SNX10: variants seen among roughly 807,000 people sequenced by gnomAD.
SNX10 encodes sorting nexin-10.
In SNX10, 25 loss-of-function variants were observed where a neutral mutation model predicts 28.5. The ratio of observed to expected loss-of-function variants is 0.88; its 90% CI spans 0.64 to 1.22. The LOEUF (loss-of-function observed/expected upper bound fraction) is 1.22. Among genes scored for constraint, SNX10 ranks in the 50% most tolerant of loss-of-function variants. The pLI is 0.00. For missense variants in SNX10, 223 were observed against 242.6 expected (o/e 0.92, Z 0.54); for synonymous variants, 62 against 81.4 (o/e 0.76, Z 1.28).
chr7:26,320,845 C>G (rs1787283497), intron 1 of SNX10, among the ~76,000 whole-genome samples: 3 of 152,224 alleles, frequency 2.0e-5, no homozygotes, highest in African/African-American at 7.2e-5. Context: ...ATGGACATCT[C>G]TCTATCCCAG....
chr7:26,333,704 G>A (rs1385191778), intron 1 of SNX10, among the ~76,000 whole-genome samples: 1 of 152,160 alleles, frequency 6.6e-6, no homozygotes, highest in African/African-American at 2.4e-5. Context: ...CCAGGTGAAG[G>A]GGTAGAGTGA....
At chr7:26,337,451 C>T (rs934485499) in intron 1 of SNX10, among the ~76,000 whole-genome samples, 2 of 152,168 alleles carry the variant, frequency 1.3e-5, no homozygotes, top group Non-Finnish European at 2.9e-5. Flanking sequence ...TTCCATTTCC[C>T]CCTTAAATGC....
intron 1 of SNX10, among the ~76,000 whole-genome samples, chr7:26,333,944 T>G (rs945302163): frequency 2.0e-5 from 3 of 152,204 alleles, no homozygotes; most frequent in Non-Finnish European, 4.4e-5. Flanking sequence ...TAGCTGAAGA[T>G]AGCTCCTGGT....
At chr7:26,325,914 G>T (rs1226905743) in intron 1 of SNX10, among the ~76,000 whole-genome samples, 1 of 151,900 alleles carries the variant, frequency 6.6e-6, no homozygotes, top group African/African-American at 2.4e-5. Context: ...TTTTAGTAGA[G>T]ACAGGGTTTT....
chr7:26,294,054 CA>C (rs1786022219), intron 1 of SNX10, among the ~76,000 whole-genome samples: 1 of 152,198 alleles, frequency 6.6e-6, no homozygotes, highest in Non-Finnish European at 1.5e-5. Context: ...TGTGGTTTCA[CA>C]ACCACTTGGT....
intron 1 of SNX10, among the ~76,000 whole-genome samples, chr7:26,307,029 G>T (rs569253297): frequency 1.3e-5 from 2 of 152,230 alleles, no homozygotes; most frequent in East Asian, 3.9e-4. Context: ...CTCACTTTAG[G>T]GGGGCATTCC....
In SNX10 at chr7:26,340,087, C is replaced by G. The variant is rs1485067815; in HGVS notation, c.-23-6333C>G. Among the ~76,000 whole-genome samples the G allele has an allele frequency of 2.6e-5, 4 of 152,002 alleles. 1 individual carries two copies. Among genetic ancestry groups the G allele is most frequent in the Admixed American group, 2.0e-4 (3 of 15,248 alleles). Reference sequence around the variant, plus strand: ...AAAAATATGTGATCCTTTCTCACTCCTTACATGTATAGTCCACAAACTTTT... The same window carrying G: ...AAAAATATGTGATCCTTTCTCACTCGTTACATGTATAGTCCACAAACTTTT... On this transcript the variant is annotated intron_variant, in intron 1 of 6. Coordinates refer to ENST00000338523, the MANE Select transcript of SNX10 (RefSeq NM_013322.3).
In SNX10 at chr7:26,325,329, T is replaced by TATATATATATATATATATATA. The variant is rs1345177484; in HGVS notation, c.-23-21091_-23-21090insATATATATATATATATATATA. Among the ~76,000 whole-genome samples, 2 of 14,968 alleles carry TATATATATATATATATATATA rather than the reference T, an allele frequency of 1.3e-4. 1 individual carries two copies. 9.8% of individuals were successfully genotyped at this position (14,968 alleles called of 152,430 possible). A position where few individuals can be genotyped will look rare whatever the true frequency, so the allele number is the denominator to read the frequency against. ...AAAATATATATATATATATATATAT[T>TATATATATATATATATATATA]TGAGATGGAGTCTCGCTGTGTTGCC... On this transcript the variant is annotated intron_variant, in intron 1 of 6. Transcript: ENST00000338523.
intron 1 of SNX10, among the ~76,000 whole-genome samples, chr7:26,300,357 G>T (rs554676412): frequency 2.6e-3 from 396 of 152,140 alleles, no homozygotes; most frequent in Non-Finnish European, 5.1e-3. Context: ...CTCCCAAAGG[G>T]TTTAGGATTA....
intron 1 of SNX10, among the ~76,000 whole-genome samples, chr7:26,312,837 A>AT (rs1353794702): frequency 5.3e-5 from 8 of 152,320 alleles, no homozygotes; most frequent in Non-Finnish European, 1.2e-4. Flanking sequence ...GCTCTTATGC[A>AT]TAATTGAAAA....
chr7:26,328,651 C>T (rs1333092471), intron 1 of SNX10, among the ~76,000 whole-genome samples: 3 of 152,180 alleles, frequency 2.0e-5, no homozygotes, highest in East Asian at 1.9e-4. Flanking sequence ...TGTGATGCCT[C>T]ACCACTGAAA....
At chr7:26,295,143 C>T (rs1425436877) in intron 1 of SNX10, among the ~76,000 whole-genome samples, 2 of 152,172 alleles carry the variant, frequency 1.3e-5, no homozygotes, top group Non-Finnish European at 2.9e-5. Context: ...TGCTAGGCCT[C>T]AGTGATCTTG....
chr7:26,344,065 C>A (rs866788205), intron 1 of SNX10, among the ~76,000 whole-genome samples: 1 of 152,088 alleles, frequency 6.6e-6, no homozygotes, highest in African/African-American at 2.4e-5. Context: ...TGCCGTTGAT[C>A]TCCTGAACTC....
At chr7:26,368,908 AC>A (rs1789399053) in intron 5 of SNX10, among the ~76,000 whole-genome samples, 1 of 152,216 alleles carries the variant, frequency 6.6e-6, no homozygotes, top group South Asian at 2.1e-4. Context: ...GGTTCAGCAG[AC>A]CCAGGACATC....
chr7:26,316,550 A>T (rs1033965608), intron 1 of SNX10, among the ~76,000 whole-genome samples: 2 of 152,242 alleles, frequency 1.3e-5, no homozygotes, highest in African/African-American at 4.8e-5. Flanking sequence ...AAGCCTAATA[A>T]TAATAATTAA....
chr7:26,300,877 G>T (rs1351145080), intron 1 of SNX10, among the ~76,000 whole-genome samples: 1 of 151,974 alleles, frequency 6.6e-6, no homozygotes, highest in Non-Finnish European at 1.5e-5. Flanking sequence ...AAATTAGCCA[G>T]GTGTGGTGGC....
intron 1 of SNX10, among the ~76,000 whole-genome samples, chr7:26,341,988 CTCTCTCTCTT>C: frequency 7.1e-6 from 1 of 141,610 alleles, no homozygotes; most frequent in African/African-American, 2.6e-5. Context: ...CTTTCTCTCT[CTCTCTCTCTT>C]TCTTTCTTTC....
chr7:26,330,947 C>G (rs1787726147), intron 1 of SNX10, among the ~76,000 whole-genome samples: 1 of 152,104 alleles, frequency 6.6e-6, no homozygotes, highest in African/African-American at 2.4e-5. Flanking sequence ...CCCTGGAATT[C>G]AAGACCAGCC....
rs36063190 is a variant in SNX10, at chr7:26,309,056, C to T, written c.-24+16970C>T. On this transcript the variant is annotated intron_variant, in intron 1 of 6. Coordinates refer to ENST00000338523, the MANE Select transcript of SNX10 (RefSeq NM_013322.3). ...TCTCAGACAGCTCTTCAGACAAACC[C>T]CCTTGTGATATTCTGCCAGCACAGC... Among the ~76,000 whole-genome samples, 1,135 of 152,236 alleles carry T rather than the reference C, an allele frequency of 7.5e-3. 5 individuals are homozygous for T. The highest frequency in any genetic ancestry group is 8.7e-3 in the Non-Finnish European group (595 of 68,006).
Sources: allele counts gnomAD v4.1 joint callset (sites outside exome capture counted in the v4.1 genomes callset), GRCh38; gene constraint gnomAD v4.1.1; transcripts MANE v1.5; gene names NCBI Gene and HGNC (gene_info 2026-07-23, HGNC 2026-07-21).